The following LDB2 variants were observed in gnomAD, a reference collection of about 807,000 sequenced individuals.
LDB2 encodes LIM domain binding 2.
A neutral mutation model predicts 44.3 loss-of-function variants in LDB2; 12 were observed. The ratio of observed to expected loss-of-function variants is 0.27; its 90% CI spans 0.17 to 0.44. The LOEUF (loss-of-function observed/expected upper bound fraction) is 0.44, where lower values mean the gene tolerates loss of function less well. LDB2 is among the 20% of genes least tolerant of loss of function. The probability of loss-of-function intolerance (pLI) is 1.00; values close to 1 mark genes in which losing one functional copy is unlikely to be tolerated. For synonymous variants in LDB2, 164 were observed against 174.8 expected (o/e 0.94, Z 0.49); for missense variants, 344 against 473.5 (o/e 0.73, Z 2.54).
At chr4:16,642,344 G>A (rs1298644892) in intron 2 of LDB2, among the ~76,000 whole-genome samples, 1 of 152,044 alleles carries the variant, frequency 6.6e-6, no homozygotes, top group East Asian at 1.9e-4. Flanking sequence ...AAGAAAAGGA[G>A]AGAACATAGC....
chr4:16,734,560 C>T (rs974131625), intron 2 of LDB2, among the ~76,000 whole-genome samples: 1 of 152,136 alleles, frequency 6.6e-6, no homozygotes, highest in Non-Finnish European at 1.5e-5. Flanking sequence ...TCCCCCATTT[C>T]CCTTCCATCC....
At chr4:16,606,371 T>C (rs77350077) in intron 2 of LDB2, among the ~76,000 whole-genome samples, 4,006 of 152,292 alleles carry the variant, frequency 0.026, 61 homozygotes, top group East Asian at 0.054. Context: ...AAGGGAAATA[T>C]ATATTTTATT....
chr4:16,618,068 A>G (rs748812900), intron 2 of LDB2, among the ~76,000 whole-genome samples: 4 of 152,122 alleles, frequency 2.6e-5, no homozygotes, highest in Non-Finnish European at 5.9e-5. Context: ...CCACAGGCCA[A>G]TTCTGTTAGG....
At chr4:16,767,723 C>G (rs574603952) in intron 1 of LDB2, among the ~76,000 whole-genome samples, 1 of 152,326 alleles carries the variant, frequency 6.6e-6, no homozygotes, top group South Asian at 2.1e-4. Flanking sequence ...GTTGACAATT[C>G]TTCCATATTT....
At chr4:16,584,311 G>A (rs1373162090) in intron 5 of LDB2, among the ~76,000 whole-genome samples, 3 of 152,234 alleles carry the variant, frequency 2.0e-5, no homozygotes, top group Non-Finnish European at 4.4e-5. Context: ...GATGCTGACT[G>A]TCTAGCAAAG....
At chr4:16,548,490 G>C (rs896420242) in intron 5 of LDB2, among the ~76,000 whole-genome samples, 11 of 152,134 alleles carry the variant, frequency 7.2e-5, no homozygotes, top group African/African-American at 2.7e-4. Context: ...GTAATGATCT[G>C]TTTATTATCT....
chr4:16,820,910 G>A (rs921727907), intron 1 of LDB2, among the ~76,000 whole-genome samples: 18 of 152,068 alleles, frequency 1.2e-4, no homozygotes, highest in African/African-American at 2.9e-4. Context: ...TTCCCCCACC[G>A]CTCCCCAAAA....
chr4:16,850,321 C>T (rs190611584), intron 1 of LDB2, among the ~76,000 whole-genome samples: 65 of 152,240 alleles, frequency 4.3e-4, no homozygotes, highest in Admixed American at 6.5e-4. Context: ...AGCTGAACCT[C>T]CTTGAACAAG....
At chr4:16,539,875 A>AG (rs1733156511) in intron 5 of LDB2, among the ~76,000 whole-genome samples, 1 of 152,148 alleles carries the variant, frequency 6.6e-6, no homozygotes, top group Non-Finnish European at 1.5e-5. Context: ...ATTCTGGACA[A>AG]GGGGTGTATT....
At chr4:16,652,794 C>A (rs1173688566) in intron 2 of LDB2, among the ~76,000 whole-genome samples, 1 of 152,146 alleles carries the variant, frequency 6.6e-6, no homozygotes, top group East Asian at 1.9e-4. Flanking sequence ...TATATTCAGT[C>A]ATTCACGCAG....
intron 1 of LDB2, among the ~76,000 whole-genome samples, chr4:16,833,543 TC>T (rs1202535188): frequency 1.7e-5 from 2 of 119,550 alleles, no homozygotes; most frequent in Admixed American, 9.7e-5. Flanking sequence ...AATCTTTTCC[TC>T]TTTTTTTTTT....
intron 2 of LDB2, among the ~76,000 whole-genome samples, chr4:16,722,722 T>C (rs1758553364): frequency 6.6e-6 from 1 of 152,162 alleles, no homozygotes; most frequent in Non-Finnish European, 1.5e-5. Context: ...TGTTCATCTC[T>C]GTGTGACCCA....
At position 16,850,369 on chromosome 4, in the gene LDB2, C is replaced by CA. The variant is rs773331030; in HGVS notation, c.132+47984dup. 1.2e-3 allele frequency among the ~76,000 whole-genome samples: 183 copies of CA among 147,122 alleles called. 1 individual carries two copies. The highest frequency in any genetic ancestry group is 1.8e-3 in the Non-Finnish European group (120 of 66,412). On this transcript the variant is annotated intron_variant, in intron 1 of 7. Coordinates refer to ENST00000304523, the MANE Select transcript of LDB2 (RefSeq NM_001290.5). The stretch of plus-strand genomic sequence containing the variant: ...GCTGAGGTTCAATTTCCCTTGCATG[C>CA]AAAAAAAAAATTTGATGGTTATATC...
At chr4:16,631,778 C>T (rs1732028396) in intron 2 of LDB2, among the ~76,000 whole-genome samples, 1 of 152,160 alleles carries the variant, frequency 6.6e-6, no homozygotes. Flanking sequence ...CACAGAAATA[C>T]AAACTACCAT....
intron 3 of LDB2, among the ~76,000 whole-genome samples, chr4:16,591,582 G>A (rs913255733): frequency 3.3e-5 from 5 of 152,092 alleles, no homozygotes; most frequent in Non-Finnish European, 7.4e-5. Flanking sequence ...GTCACTGCTG[G>A]TCTTCCCCAA....
chr4:16,516,118 A>T (rs1577306833), intron 5 of LDB2, among the ~76,000 whole-genome samples: 1 of 148,960 alleles, frequency 6.7e-6, no homozygotes, highest in East Asian at 2.0e-4. Context: ...GCCCACCTCG[A>T]CCTCCCAAAG....
intron 1 of LDB2, among the ~76,000 whole-genome samples, chr4:16,794,629 G>C (rs1273361003): frequency 6.6e-6 from 1 of 151,972 alleles, no homozygotes; most frequent in Non-Finnish European, 1.5e-5. Flanking sequence ...TATCCCATGG[G>C]GTTAATAGCA....
At chr4:16,592,798 TCA>T (rs1719591439) in intron 3 of LDB2, among the ~76,000 whole-genome samples, 1 of 152,052 alleles carries the variant, frequency 6.6e-6, no homozygotes, top group South Asian at 2.1e-4. Context: ...TAACTTTGTT[TCA>T]GTGTGTAAAA....
intron 1 of LDB2, among the ~76,000 whole-genome samples, chr4:16,776,560 A>G (rs1214464588): frequency 6.6e-6 from 1 of 152,220 alleles, no homozygotes; most frequent in African/African-American, 2.4e-5. Context: ...TCATTCGTGC[A>G]TTCAGAAATA....
Sources: gnomAD v4.1 joint callset for allele counts (sites outside exome capture counted in the v4.1 genomes callset) on GRCh38, gnomAD v4.1.1 for gene constraint, MANE v1.5 for transcripts, NCBI Gene and HGNC (gene_info 2026-07-23, HGNC 2026-07-21) for gene names.